DHX57: variants seen among roughly 807,000 people sequenced by gnomAD.
The protein encoded by DHX57 is DExH-box helicase 57.
DHX57 carries 105 observed loss-of-function variants against 156.2 expected under a neutral mutation model. The observed-to-expected ratio is 0.67, with a 90% CI of 0.57 to 0.79. The LOEUF is 0.79. DHX57 is among the 30% of genes least tolerant of loss of function. The probability of loss-of-function intolerance (pLI) is 0.00; values close to 1 mark genes in which losing one functional copy is unlikely to be tolerated. For synonymous variants in DHX57, 704 were observed against 595.6 expected, an observed-to-expected ratio of 1.18 and a Z score of -2.65; for missense variants, 1,847 against 1,661.9, an observed-to-expected ratio of 1.11 and a Z score of -1.94.
intron 13 of DHX57, among the ~76,000 whole-genome samples, chr2:38,832,268 C>T (rs968069896): frequency 1.2e-4 from 18 of 151,652 alleles, no homozygotes; most frequent in African/African-American, 3.9e-4. Flanking sequence ...TGTGAAACCC[C>T]GTCTCTACTA....
chr2:38,823,242 A>G lies in DHX57; in HGVS notation c.3042T>C (p.Ala1014=), dbSNP rs780732975. The change falls in exon 17 of 24, where the codon GCT becomes GCC. Residue 1014 remains alanine, a synonymous_variant. Transcript: ENST00000457308. ...GAGAGAACACAGACTGGAGATTATG[A>G]GCACTAAACATCTCTAAAATTTTAA... ...LRIKILEMFS[A]HNLQSVFSRL... is the part of the protein sequence containing the mutation. 5.0e-6 allele frequency: 8 copies of G among 1,613,684 alleles called. No homozygotes were observed. Among genetic ancestry groups the G allele is most frequent in the Middle Eastern group, 1.6e-4 (1 of 6,084 alleles).
At chr2:38,874,620 A>C (rs561925502) in intron 1 of DHX57, among the ~76,000 whole-genome samples, 102 of 151,886 alleles carry the variant, frequency 6.7e-4, no homozygotes, top group African/African-American at 2.3e-3. Context: ...CGTGTTAGCC[A>C]GGATGGTCTC....
In DHX57 at chr2:38,855,187, T is replaced by G. The variant is rs1305811128; in HGVS notation, c.1775A>C (p.Lys592Thr). Residue 592 changes from lysine (K) to threonine (T), a missense_variant, in exon 8 of 24, where the codon AAG (lysine) becomes ACG (threonine). Lys to Thr is a moderately conservative substitution (Grantham distance 78, BLOSUM62 -1). Coordinates refer to ENST00000457308, the MANE Select transcript of DHX57 (RefSeq NM_198963.3). ...LDDSLNGPPE[K>T]VANIICTQPR... ...TTGGGTACAGATGATGTTGGCTACC[T>G]TCTCAGGTGGTCCATTCAGAGAATC... is the stretch of plus-strand genomic sequence containing the variant. 1.2e-6 allele frequency: 2 copies of G among 1,614,168 alleles called. No individual in the cohort carries two copies. The highest frequency in any genetic ancestry group is 4.5e-5 in the East Asian group (2 of 44,880).
intron 19 of DHX57, chr2:38,816,132 G>A (rs1258266481): frequency 2.1e-6 from 1 of 471,302 alleles, no homozygotes; most frequent in Non-Finnish European, 4.4e-6. Context: ...GTGGAACTCA[G>A]CAGAATGTTT....
chr2:38,854,781 C>T (rs1009334872), intron 8 of DHX57: 50 of 289,374 alleles, frequency 1.7e-4, no homozygotes, highest in Non-Finnish European at 3.1e-4. Flanking sequence ...AGGCTGGTCT[C>T]GAACTCCCGA....
At chr2:38,845,165 C>T (rs1672200918) in intron 11 of DHX57, among the ~76,000 whole-genome samples, 1 of 151,572 alleles carries the variant, frequency 6.6e-6, no homozygotes, top group South Asian at 2.1e-4. Flanking sequence ...CCACTGCACT[C>T]AGCCTGGGTG....
intron 13 of DHX57, among the ~76,000 whole-genome samples, chr2:38,828,903 G>A (rs1671241131): frequency 6.6e-6 from 1 of 152,062 alleles, no homozygotes; most frequent in South Asian, 2.1e-4. Flanking sequence ...ATGTCTGTCG[G>A]TATAATGCCA....
Position 38,817,820 on chromosome 2 carries a change from C to T in DHX57, c.3471+1057G>A, listed in dbSNP as rs192642409. Among the ~76,000 whole-genome samples, 459 of 152,252 alleles carry T rather than the reference C, an allele frequency of 3.0e-3. 1 individual carries two copies. Among genetic ancestry groups the T allele is most frequent in the Non-Finnish European group, 4.6e-3 (312 of 68,012 alleles). Reference sequence around the variant, plus strand: ...TCAAGTGATCCTCCCACCTCAGCCTCTGGAGTAGATGGGATTACAGGCCCA... The same window carrying T: ...TCAAGTGATCCTCCCACCTCAGCCTTTGGAGTAGATGGGATTACAGGCCCA... On this transcript the variant is annotated intron_variant, in intron 19 of 23. Coordinates refer to ENST00000457308, the MANE Select transcript of DHX57 (RefSeq NM_198963.3).
chr2:38,849,007 A>G (rs1367459802), intron 9 of DHX57, among the ~76,000 whole-genome samples: 1 of 152,236 alleles, frequency 6.6e-6, no homozygotes, highest in Non-Finnish European at 1.5e-5. Context: ...ATCAAATTTT[A>G]TAATTATTAT....
At chr2:38,841,955 T>A (rs1672030995) in intron 12 of DHX57, among the ~76,000 whole-genome samples, 1 of 152,208 alleles carries the variant, frequency 6.6e-6, no homozygotes, top group Non-Finnish European at 1.5e-5. Context: ...TATTGGGATA[T>A]TAAATGGTTT....
At position 38,798,230 on chromosome 2, in the gene DHX57, G is replaced by C; in HGVS notation, c.*69C>G. The C allele has an allele frequency of 6.4e-7, 1 of 1,553,034 alleles. No homozygotes were observed. The highest frequency in any genetic ancestry group is 8.7e-7 in the Non-Finnish European group (1 of 1,152,918). On this transcript the variant is annotated 3_prime_UTR_variant, in exon 24 of 24. Coordinates refer to ENST00000457308, the MANE Select transcript of DHX57 (RefSeq NM_198963.3). ...CCCAATAGGTCTTTAGTTCGAGGTA[G>C]AGGTTCTGCTGTTATTTCCCAGGTG...
At chr2:38,802,957 C>T in intron 22 of DHX57, 42 bp from the exon 23 acceptor site, 1 of 1,608,178 alleles carries the variant, frequency 6.2e-7, no homozygotes, top group African/African-American at 1.3e-5. Flanking sequence ...ATGTCACTGG[C>T]AACAAAAAGG....
In DHX57 at chr2:38,861,299, G is replaced by C. The variant is rs1673192601; in HGVS notation, c.1111C>G (p.Leu371Val). The C allele has an allele frequency of 6.2e-7, 1 of 1,614,056 alleles. No homozygotes were observed. The highest frequency in any genetic ancestry group is 8.5e-7 in the Non-Finnish European group (1 of 1,180,040). ...TCATTGGTGGAATAAAATGCCACGA[G>C]CGGAGCTTGGTAGGGATATTTGTGG... ...KDHKYPYQAP[L>V]VAFYSTNENL... Residue 371 changes from leucine (L) to valine (V), a missense_variant, in exon 5 of 24, where the codon CTC becomes GTC. Leu to Val is a conservative substitution (Grantham distance 32, BLOSUM62 1). Coordinates refer to ENST00000457308, the MANE Select transcript of DHX57 (RefSeq NM_198963.3).
intron 5 of DHX57, among the ~76,000 whole-genome samples, chr2:38,859,473 AT>A (rs1673072699): frequency 6.6e-6 from 1 of 152,236 alleles, no homozygotes; most frequent in Admixed American, 6.5e-5. Flanking sequence ...TTATTGTTGC[AT>A]AATTCTATAA....
At chr2:38,808,107 A>G (rs2148535485) in intron 21 of DHX57, among the ~76,000 whole-genome samples, 1 of 150,830 alleles carries the variant, frequency 6.6e-6, no homozygotes, top group East Asian at 2.0e-4. Context: ...GGTGCACGCC[A>G]CCACACTCAG....
intron 14 of DHX57, among the ~76,000 whole-genome samples, chr2:38,827,850 A>G (rs1671181921): frequency 6.6e-6 from 1 of 151,880 alleles, no homozygotes; most frequent in Non-Finnish European, 1.5e-5. Flanking sequence ...CTGAGTCACT[A>G]TGCTAAGTGA....
intron 5 of DHX57, among the ~76,000 whole-genome samples, chr2:38,860,268 G>C (rs1219595430): frequency 2.0e-5 from 3 of 152,116 alleles, no homozygotes; most frequent in African/African-American, 7.2e-5. Flanking sequence ...TGGCCAACAT[G>C]GTGAAACCCT....
Position 38,818,742 on chromosome 2 carries a change from A to G in DHX57, c.3471+135T>C, listed in dbSNP as rs1558364024. 5 of 966,638 alleles carry G rather than the reference A, an allele frequency of 5.2e-6. No homozygotes were observed. The East Asian group carries it at 1.3e-4, about 25-fold the overall frequency. 59.9% of individuals were successfully genotyped at this position (966,638 alleles called of 1,614,324 possible). A position where few individuals can be genotyped will look rare whatever the true frequency, so the allele number is the denominator to read the frequency against. On this transcript the variant is annotated intron_variant, in intron 19 of 23. Coordinates refer to ENST00000457308, the MANE Select transcript of DHX57 (RefSeq NM_198963.3). ...GCCACAGTGCGGGAGTCCATTTTAC[A>G]CGGCTGGTAAGGCCAAACATATTCC...
At chr2:38,846,859 T>C (rs1672313413) in intron 11 of DHX57, among the ~76,000 whole-genome samples, 160 bp downstream of exon 11, 1 of 152,104 alleles carries the variant, frequency 6.6e-6, no homozygotes, top group African/African-American at 2.4e-5. Context: ...CTGAATCTTT[T>C]TTTTTTTCTC....
Sources: allele counts gnomAD v4.1 joint callset (sites outside exome capture counted in the v4.1 genomes callset), GRCh38; gene constraint gnomAD v4.1.1; transcripts MANE v1.5; gene names NCBI Gene and HGNC (gene_info 2026-07-23, HGNC 2026-07-21).